DIS3L2: variants seen among roughly 807,000 people sequenced by gnomAD.
The protein encoded by DIS3L2 is DIS3 like 3'-5' exoribonuclease 2.
In DIS3L2, 34 loss-of-function variants were observed where a neutral mutation model predicts 97.5. The observed-to-expected ratio is 0.35, with a 90% CI of 0.27 to 0.46. The LOEUF (loss-of-function observed/expected upper bound fraction) is 0.46, where lower values mean the gene tolerates loss of function less well. DIS3L2 is among the 20% of genes least tolerant of loss of function. DIS3L2 has a pLI of 1.00. For missense variants in DIS3L2, 1,038 were observed against 1,146.0 expected, an observed-to-expected ratio of 0.91 and a Z score of 1.36; for synonymous variants, 435 against 445.2, an observed-to-expected ratio of 0.98 and a Z score of 0.29.
intron 13 of DIS3L2, among the ~76,000 whole-genome samples, chr2:232,274,440 C>A (rs1479439524): frequency 6.6e-6 from 1 of 152,220 alleles, no homozygotes; most frequent in Non-Finnish European, 1.5e-5. Flanking sequence ...TTAGTAAAAC[C>A]TGCATTAGGG....
chr2:232,213,912 C>A (rs183399241), intron 10 of DIS3L2, among the ~76,000 whole-genome samples: 1 of 151,894 alleles, frequency 6.6e-6, no homozygotes, highest in African/African-American at 2.4e-5. Context: ...AGGTTGCAGG[C>A]GGAGGAGAGG....
At chr2:232,271,981 T>G (rs1414861106) in intron 13 of DIS3L2, among the ~76,000 whole-genome samples, 1 of 152,216 alleles carries the variant, frequency 6.6e-6, no homozygotes, top group African/African-American at 2.4e-5. Context: ...CAACACTAAT[T>G]ACAGCCACTT....
At chr2:232,145,068 G>A (rs775028502) in intron 8 of DIS3L2, among the ~76,000 whole-genome samples, 1 of 152,096 alleles carries the variant, frequency 6.6e-6, no homozygotes, top group Non-Finnish European at 1.5e-5. Context: ...GATTTTTTGA[G>A]TCTGTGTAAT....
At chr2:232,338,151 A>G (rs1696025201), downstream of DIS3L2, among the ~76,000 whole-genome samples, 2 of 151,554 alleles carry the variant, frequency 1.3e-5, no homozygotes, top group Admixed American at 1.3e-4. Flanking sequence ...AGCCCCAAAC[A>G]GGAAGGACCA....
chr2:232,073,763 C>T lies in DIS3L2; in HGVS notation c.367-13724C>T, dbSNP rs956060950. Among the ~76,000 whole-genome samples, 9 of 152,152 alleles carry T rather than the reference C, an allele frequency of 5.9e-5. No homozygotes were observed. The South Asian group carries it at 6.2e-4, about 11-fold the overall frequency. ...CTGTTTGCTTTTCAATTTTGAAATACGGTATATTGATTTTAAAAGGAAGGG... is the reference window on the plus strand; with the variant it reads ...CTGTTTGCTTTTCAATTTTGAAATATGGTATATTGATTTTAAAAGGAAGGG... On this transcript the variant is annotated intron_variant, in intron 5 of 20. Coordinates refer to ENST00000325385, the MANE Select transcript of DIS3L2 (RefSeq NM_152383.5).
intron 4 of DIS3L2, among the ~76,000 whole-genome samples, chr2:232,026,013 A>G (rs55681128): frequency 6.6e-6 from 1 of 152,270 alleles, no homozygotes; most frequent in Middle Eastern, 3.4e-3. Flanking sequence ...TCTCTTGTGC[A>G]TGCTTAAGTT....
Position 232,336,620 on chromosome 2 carries a change from GCACCAGCTGAGCTC to G in DIS3L2, c.2656_*11del. 1 of 1,601,922 alleles carries G rather than the reference GCACCAGCTGAGCTC, an allele frequency of 6.2e-7. No individual in the cohort carries two copies. The highest frequency in any genetic ancestry group is 8.5e-7 in the Non-Finnish European group (1 of 1,178,330). On this transcript the variant is annotated stop_lost and 3_prime_UTR_variant, in exon 21 of 21. Transcript: ENST00000325385. ...TCTGACGGTGAGCCCGAGGACTCAA[GCACCAGCTGAGCTC>G]CACCAGCCGCCTGCCCCGCCTGCCC...
rs530733749 is a variant in DIS3L2 at position 232,336,369 on chromosome 2, G to A, written c.2497-100G>A. ...AGGCGAGCAGAGGCTTCCAGAGGCC[G>A]AAGGAGGGGCCAGGGGTCCTGCTGC... On this transcript the variant is annotated intron_variant, in intron 20 of 20. Coordinates refer to ENST00000325385, the MANE Select transcript of DIS3L2 (RefSeq NM_152383.5). 1.8e-4 allele frequency: 275 copies of A among 1,548,924 alleles called. 1 individual carries two copies. In the African/African-American group the frequency reaches 3.1e-3, roughly 17 times the overall value.
At chr2:232,335,536 C>T in intron 19 of DIS3L2, 1 of 560,678 alleles carries the variant, frequency 1.8e-6, no homozygotes, top group Non-Finnish European at 3.2e-6. Flanking sequence ...CACTTGCCCC[C>T]CATAGCACAC....
At chr2:232,082,460 C>T (rs1002431852) in intron 5 of DIS3L2, among the ~76,000 whole-genome samples, 4 of 152,058 alleles carry the variant, frequency 2.6e-5, no homozygotes, top group Admixed American at 6.6e-5. Flanking sequence ...ATTAGATTCT[C>T]GTAGGAGCAT....
intron 3 of DIS3L2, 116 bp downstream of exon 3, chr2:232,015,787 C>A: frequency 8.2e-7 from 1 of 1,217,774 alleles, no homozygotes; most frequent in Non-Finnish European, 1.1e-6. Context: ...GTAACAGGTG[C>A]AGGGCTGTTA....
intron 16 of DIS3L2, among the ~76,000 whole-genome samples, chr2:232,333,127 ACCACCAC>A (rs1695798351): frequency 6.9e-6 from 1 of 145,818 alleles, no homozygotes; most frequent in Non-Finnish European, 1.5e-5. Flanking sequence ...CTCCTCGACC[ACCACCAC>A]CTCCTCCTTC....
chr2:232,329,785 T>TGCCGGGGCCC, intron 14 of DIS3L2, 28 bp from the exon 15 acceptor site: 5 of 967,142 alleles, frequency 5.2e-6, no homozygotes, highest in African/African-American at 1.7e-5. Flanking sequence ...ACCCCAGCGG[T>TGCCGGGGCCC]CCCTCCCATC....
chr2:232,308,362 C>A (rs1359069261), intron 14 of DIS3L2, among the ~76,000 whole-genome samples: 1 of 152,206 alleles, frequency 6.6e-6, no homozygotes, highest in Non-Finnish European at 1.5e-5. Flanking sequence ...TCCCTGCGGA[C>A]CTCTCAGAGC....
At chr2:232,273,027 CCTCCACCTTCACCCTGTGACCTT>C (rs1277322668) in intron 13 of DIS3L2, among the ~76,000 whole-genome samples, 9 of 152,074 alleles carry the variant, frequency 5.9e-5, no homozygotes, top group Non-Finnish European at 1.2e-4. Flanking sequence ...CCAGCCTACT[CCTCCACCTTCACCCTGTGACCTT>C]CTCCACCTTC....
intron 5 of DIS3L2, among the ~76,000 whole-genome samples, chr2:232,049,223 AAT>A (rs1695332637): frequency 6.6e-6 from 1 of 152,092 alleles, no homozygotes; most frequent in Non-Finnish European, 1.5e-5. Flanking sequence ...AAGATCTTTA[AAT>A]ATATGACTTT....
At chr2:232,218,273 T>C (rs192233668) in intron 10 of DIS3L2, among the ~76,000 whole-genome samples, 1 of 152,332 alleles carries the variant, frequency 6.6e-6, no homozygotes, top group East Asian at 1.9e-4. Context: ...TATATGTCCA[T>C]GTCATGTGCA....
chr2:232,033,740 C>T (rs1438566250), intron 5 of DIS3L2, among the ~76,000 whole-genome samples: 1 of 152,082 alleles, frequency 6.6e-6, no homozygotes, highest in Non-Finnish European at 1.5e-5. Flanking sequence ...TGGTTTTTGT[C>T]ATCGGTTCTG....
intron 14 of DIS3L2, 28 bp from the exon 15 acceptor site, chr2:232,329,785 T>TCCCCGGGGGGGCCCCCCCCCCCCC: frequency 1.0e-6 from 1 of 967,144 alleles, no homozygotes. Context: ...ACCCCAGCGG[T>TCCCCGGGGGGGCCCCCCCCCCCCC]CCCTCCCATC....
Sources: allele counts gnomAD v4.1 joint callset (sites outside exome capture counted in the v4.1 genomes callset), GRCh38; gene constraint gnomAD v4.1.1; transcripts MANE v1.5; gene names NCBI Gene and HGNC (gene_info 2026-07-23, HGNC 2026-07-21).